The following BRAP variants were observed in gnomAD, a reference collection of about 807,000 sequenced individuals.
BRAP encodes BRCA1 associated protein.
BRAP carries 42 observed loss-of-function variants against 73.4 expected under a neutral mutation model. That is an observed-to-expected ratio of 0.57 (90% CI 0.45 to 0.74). The LOEUF (loss-of-function observed/expected upper bound fraction) is 0.74. Among genes scored for constraint, BRAP ranks in the 30% least tolerant of loss-of-function variants. BRAP has a pLI of 0.00. For synonymous variants in BRAP, 255 were observed against 267.4 expected (o/e 0.95, Z 0.45); for missense variants, 593 against 751.4 (o/e 0.79, Z 2.46).
In BRAP at chr12:111,655,592, G is replaced by A. The variant is rs377591727; in HGVS notation, c.1285C>T (p.Arg429Trp). 4 of 1,613,412 alleles carry A rather than the reference G, an allele frequency of 2.5e-6. No individual in the cohort carries two copies. Among genetic ancestry groups the A allele is most frequent in the South Asian group, 1.1e-5 (1 of 91,068 alleles). The stretch of plus-strand genomic sequence containing the variant: ...TCCTCTGCTGTGTCCTTCTCTATCC[G>A]AACTATCTTGTTTTCCCAGTAGATT... ...QRIYWENKIV[R>W]IEKDTAEEIN... Residue 429 changes from arginine to tryptophan, a missense_variant, in exon 10 of 12, where the codon CGG becomes TGG. Arg to Trp is a moderately radical substitution (Grantham distance 101). Coordinates refer to ENST00000419234, the MANE Select transcript of BRAP (RefSeq NM_006768.5).
At chr12:111,684,825 C>A (rs890574328) in intron 1 of BRAP, among the ~76,000 whole-genome samples, 1 of 152,126 alleles carries the variant, frequency 6.6e-6, no homozygotes, top group Admixed American at 6.6e-5. Flanking sequence ...CCTGTCACCA[C>A]GCCCAGCTAA....
chr12:111,655,566 T>C lies in BRAP; in HGVS notation c.1311A>G (p.Glu437=). 2.5e-6 allele frequency: 4 copies of C among 1,610,890 alleles called. No homozygotes were observed. Among genetic ancestry groups the C allele is most frequent in the Middle Eastern group, 1.7e-4 (1 of 6,060 alleles). The change falls in exon 10 of 12, where the codon GAA becomes GAG. Residue 437 remains glutamate, a splice_region_variant and synonymous_variant. Transcript: ENST00000419234. ...IVRIEKDTAE[E]INNMKTKFKE... Reference sequence around the variant, plus strand: ...AGTCACCCAAACCAAACAGACTTACTTCCTCTGCTGTGTCCTTCTCTATCC... The same window carrying C: ...AGTCACCCAAACCAAACAGACTTACCTCCTCTGCTGTGTCCTTCTCTATCC...
intron 4 of BRAP, among the ~76,000 whole-genome samples, chr12:111,676,379 G>A (rs1180524980): frequency 6.6e-6 from 1 of 152,062 alleles, no homozygotes; most frequent in African/African-American, 2.4e-5. Context: ...GCAGGCAAGT[G>A]ACTTATCTGT....
At chr12:111,653,530 C>G (rs1886402867) in intron 10 of BRAP, among the ~76,000 whole-genome samples, 1 of 152,144 alleles carries the variant, frequency 6.6e-6, no homozygotes, top group South Asian at 2.1e-4. Context: ...TGAGCTTCAT[C>G]TTCTAGAATA....
At chr12:111,669,252 G>A (rs1324521933) in intron 5 of BRAP, among the ~76,000 whole-genome samples, 2 of 148,844 alleles carry the variant, frequency 1.3e-5, no homozygotes, top group Non-Finnish European at 3.0e-5. Flanking sequence ...TTTTTGAGAC[G>A]GAGTTTCGCT....
Position 111,644,012 on chromosome 12 carries a change from T to C in BRAP, c.*187A>G. On this transcript the variant is annotated 3_prime_UTR_variant, in exon 12 of 12. Coordinates refer to ENST00000419234, the MANE Select transcript of BRAP (RefSeq NM_006768.5). The stretch of plus-strand genomic sequence containing the variant: ...GACCTTTTCGAACGCAGCGCCTTTC[T>C]ATCAGCTCTCCAGTCAGCACCCTTT... 6.4e-6 allele frequency: 6 copies of C among 933,280 alleles called. No homozygotes were observed. The highest frequency in any genetic ancestry group is 9.3e-6 in the Non-Finnish European group (6 of 648,432). The allele number at this position is 933,280 out of a possible 1,614,324, so 57.8% of individuals were successfully genotyped here.
At chr12:111,667,853 T>C (rs774022916) in intron 5 of BRAP, among the ~76,000 whole-genome samples, 2 of 152,008 alleles carry the variant, frequency 1.3e-5, no homozygotes, top group Non-Finnish European at 2.9e-5. Context: ...ATCTAAAATG[T>C]GCTTTTTGAG....
At position 111,681,842 on chromosome 12, in the gene BRAP, C is replaced by T. The variant is rs759986242; in HGVS notation, c.245-7G>A. On this transcript the variant is annotated splice_polypyrimidine_tract_variant and splice_region_variant and intron_variant, in intron 2 of 11. Coordinates refer to ENST00000419234, the MANE Select transcript of BRAP (RefSeq NM_006768.5). ...ACTGTAGTTTTTAGTTCATCTTTCA[C>T]CAGTTAAAAAATAGCAGATTATAAA... The T allele has an allele frequency of 3.1e-6, 5 of 1,599,090 alleles. No individual in the cohort carries two copies. Among genetic ancestry groups the T allele is most frequent in the East Asian group, 4.5e-5 (2 of 44,740 alleles).
At chr12:111,663,478 C>G (rs915680436) in intron 6 of BRAP, among the ~76,000 whole-genome samples, 2 of 152,060 alleles carry the variant, frequency 1.3e-5, no homozygotes, top group Admixed American at 6.6e-5. Context: ...TAATAATTAA[C>G]AGTTTATTAA....
intron 6 of BRAP, among the ~76,000 whole-genome samples, chr12:111,661,774 C>T (rs1300639796): frequency 2.0e-5 from 3 of 148,366 alleles, no homozygotes; most frequent in Non-Finnish European, 4.5e-5. Context: ...TGCAGTGGCG[C>T]GATCTCAGCT....
intron 5 of BRAP, among the ~76,000 whole-genome samples, chr12:111,668,117 G>C (rs1296405615): frequency 2.0e-5 from 3 of 152,174 alleles, no homozygotes; most frequent in East Asian, 3.9e-4. Context: ...TGAGGCAGGA[G>C]AATCACTTGA....
At chr12:111,674,607 A>G (rs1234043733) in intron 4 of BRAP, among the ~76,000 whole-genome samples, 2 of 152,164 alleles carry the variant, frequency 1.3e-5, no homozygotes, top group Non-Finnish European at 2.9e-5. Flanking sequence ...AATTCTGAAT[A>G]TACTTTTATT....
intron 1 of BRAP, 79 bp from the exon 2 acceptor site, chr12:111,683,386 T>C: frequency 1.4e-6 from 2 of 1,463,558 alleles, no homozygotes; most frequent in Non-Finnish European, 1.8e-6. Context: ...CATTAGGTTT[T>C]CCTTTTCTTT....
In BRAP at chr12:111,678,732, C is replaced by T. The variant is rs1216072138; in HGVS notation, c.633+419G>A. The stretch of plus-strand genomic sequence containing the variant: ...GAGACGGAGTCTCACTCTTGCCACC[C>T]AGGCTGGAGTGCAGTGGTGTGATGT... On this transcript the variant is annotated intron_variant, in intron 4 of 11. Transcript: ENST00000419234. Among the ~76,000 whole-genome samples, 12 of 148,704 alleles carry T rather than the reference C, an allele frequency of 8.1e-5. 1 individual carries two copies. Among genetic ancestry groups the T allele is most frequent in the Admixed American group, 4.0e-4 (6 of 15,010 alleles).
rs761090765 is a variant in BRAP at position 111,685,754 on chromosome 12, C to G, written c.39G>C (p.Ala13=). 1.1e-5 allele frequency: 17 copies of G among 1,609,864 alleles called. No individual in the cohort carries two copies. Among genetic ancestry groups the G allele is most frequent in the Non-Finnish European group, 4.2e-6 (5 of 1,178,900 alleles). ...VSLVVIRLEL[A]EHSPVPAGFG... is the part of the protein sequence containing the mutation. ...AGCCGGCGGGGACAGGCGAGTGTTC[C>G]GCGAGCTCCAATCGGATAACAACCA... Residue 13 remains alanine, a synonymous_variant, in exon 1 of 12, where the codon GCG becomes GCC. Coordinates refer to ENST00000419234, the MANE Select transcript of BRAP (RefSeq NM_006768.5).
rs749457952 is a variant in BRAP at position 111,660,649 on chromosome 12, G to A, written c.923C>T (p.Thr308Met). The A allele has an allele frequency of 5.6e-6, 9 of 1,607,270 alleles. No homozygotes were observed. The highest frequency in any genetic ancestry group is 1.3e-5 in the African/African-American group (1 of 74,716). The change falls in exon 7 of 12, where the codon ACG (threonine) becomes ATG (methionine). Residue 308 changes from threonine to methionine, a missense_variant. By Grantham distance (81) the Thr-to-Met change is moderately conservative (BLOSUM62 -1). This residue lies in a region of BRAP where 67 missense variants were observed against 158.0 expected (regional missense o/e 0.42). Transcript: ENST00000419234. ...TTCPVCRYCQ[T>M]PEPVEENKCF... is the part of the protein sequence containing the mutation. ...CTTATTTTCTTCTACTGGCTCGGGC[G>A]TTTGACAGTACCGGCAAACAGGACA...
Position 111,644,246 on chromosome 12 carries a change from T to C in BRAP, c.1732A>G (p.Ser578Gly). Residue 578 changes from serine to glycine, a missense_variant, in exon 12 of 12, where the codon AGT becomes GGT. By Grantham distance (56) the Ser-to-Gly change is moderately conservative (BLOSUM62 0). This residue lies in a region of BRAP where 79 missense variants were observed against 65.3 expected (regional missense o/e 1.21). Coordinates refer to ENST00000419234, the MANE Select transcript of BRAP (RefSeq NM_006768.5). ...SASSPASSGG[S>G]GKLPSRKGRS... ...CCCTTCCTGGAGGGCAACTTCCCAC[T>C]GCCCCCCGAAGAGGCAGGGCTCGAG... The C allele has an allele frequency of 1.2e-6, 2 of 1,613,730 alleles. No individual in the cohort carries two copies. Among genetic ancestry groups the C allele is most frequent in the Non-Finnish European group, 1.7e-6 (2 of 1,179,994 alleles).
In BRAP at chr12:111,685,857, G is replaced by A; in HGVS notation, c.-65C>T. The stretch of plus-strand genomic sequence containing the variant: ...GCGAGGCTGGAAGGCGAGCCGAGAG[G>A]CCGAGCGGCCCGGGGCCGGCAGCGC... On this transcript the variant is annotated 5_prime_UTR_variant, in exon 1 of 12. Transcript: ENST00000419234. 4 of 1,255,230 alleles carry A rather than the reference G, an allele frequency of 3.2e-6. No individual in the cohort carries two copies. Among genetic ancestry groups the A allele is most frequent in the Non-Finnish European group, 4.1e-6 (4 of 966,262 alleles). 77.8% of individuals were successfully genotyped at this position (1,255,230 alleles called of 1,614,324 possible).
rs753484325 is a variant in BRAP, at chr12:111,679,345, CAA to C, written c.444-7_444-6del. 3.0e-6 allele frequency: 4 copies of C among 1,336,450 alleles called. No individual in the cohort carries two copies. The highest frequency in any genetic ancestry group is 1.7e-5 in the South Asian group (1 of 60,224). The allele number at this position is 1,336,450 out of a possible 1,614,324, so 82.8% of individuals were successfully genotyped here. ...TCTTTTAAGGAGGTCATCTTACTAA[CAA>C]AAAAAAAATTAGAGTGTCTTGAATA... On this transcript the variant is annotated splice_region_variant and splice_polypyrimidine_tract_variant and intron_variant, in intron 3 of 11. Coordinates refer to ENST00000419234, the MANE Select transcript of BRAP (RefSeq NM_006768.5).
Sources: allele counts gnomAD v4.1 joint callset (sites outside exome capture counted in the v4.1 genomes callset), GRCh38; gene constraint gnomAD v4.1.1; regional missense constraint gnomAD v4.1.1; transcripts MANE v1.5; gene names NCBI Gene and HGNC (gene_info 2026-07-23, HGNC 2026-07-21).